NWD2: variants seen among roughly 807,000 people sequenced by gnomAD.
NWD2 encodes NACHT and WD repeat domain-containing protein 2.
In NWD2, 37 loss-of-function variants were observed where a neutral mutation model predicts 132.7. The ratio of observed to expected loss-of-function variants is 0.28; its 90% CI spans 0.21 to 0.37. The LOEUF is 0.37. Ranked by LOEUF, NWD2 falls within the 10% of genes least tolerant of loss-of-function variation. NWD2 has a pLI of 1.00. For missense variants in NWD2, 1,592 were observed against 2,122.4 expected (o/e 0.75, Z 4.91); for synonymous variants, 705 against 803.0 (o/e 0.88, Z 2.06).
chr4:37,254,107 T>C (rs540082562), intron 1 of NWD2, among the ~76,000 whole-genome samples: 56 of 152,330 alleles, frequency 3.7e-4, no homozygotes, highest in Admixed American at 6.5e-4. Flanking sequence ...GGTAGTATGC[T>C]TAATAGCTGG....
At chr4:37,354,115 C>T (rs1219054017) in intron 2 of NWD2, among the ~76,000 whole-genome samples, 2 of 152,080 alleles carry the variant, frequency 1.3e-5, no homozygotes, top group Non-Finnish European at 2.9e-5. Context: ...CTGCAGGTAT[C>T]CTGGAGTTTG....
chr4:37,387,287 C>G (rs1577686658), intron 3 of NWD2, among the ~76,000 whole-genome samples: 1 of 151,588 alleles, frequency 6.6e-6, no homozygotes, highest in East Asian at 1.9e-4. Context: ...CATTTCTACA[C>G]CAATTTTTTT....
chr4:37,349,334 TC>T (rs898262235), intron 2 of NWD2, among the ~76,000 whole-genome samples: 1 of 152,146 alleles, frequency 6.6e-6, no homozygotes. Context: ...CCACATCCTC[TC>T]CAGCATCTTT....
Position 37,443,890 on chromosome 4 carries a change from C to T in NWD2, c.1902C>T (p.Leu634=). The T allele has an allele frequency of 6.4e-7, 1 of 1,552,390 alleles. No individual in the cohort carries two copies. Among genetic ancestry groups the T allele is most frequent in the Non-Finnish European group, 8.7e-7 (1 of 1,147,156 alleles). ...RSHKDVDESS[L]SVTVHESIEQ... is the part of the protein sequence containing the mutation. Reference sequence around the variant, plus strand: ...ACAAAGACGTCGATGAATCCTCCCTCTCTGTCACCGTTCATGAAAGTATAG... The same window carrying T: ...ACAAAGACGTCGATGAATCCTCCCTTTCTGTCACCGTTCATGAAAGTATAG... The change falls in exon 7 of 7, where the codon CTC becomes CTT. Residue 634 remains leucine (L), a synonymous_variant. Transcript: ENST00000309447. This position sits in a 1 kb window ranked among gnomAD's most constrained non-coding sequence, Gnocchi z 4.1.
intron 3 of NWD2, among the ~76,000 whole-genome samples, chr4:37,415,214 A>G (rs1711558395): frequency 6.6e-6 from 1 of 152,218 alleles, no homozygotes; most frequent in African/African-American, 2.4e-5. Context: ...CTTTGAAGTT[A>G]GAGGAGACCT....
chr4:37,275,226 G>A (rs1054174834), intron 1 of NWD2, among the ~76,000 whole-genome samples: 59 of 152,284 alleles, frequency 3.9e-4, no homozygotes. Flanking sequence ...AGCAACTTCA[G>A]CAAAGTCTCA....
chr4:37,248,477 A>T (rs1280689653), intron 1 of NWD2, among the ~76,000 whole-genome samples: 3 of 152,172 alleles, frequency 2.0e-5, no homozygotes, highest in Admixed American at 6.5e-5. Flanking sequence ...TTTTAAGTGG[A>T]TGGGCCTTGG....
At chr4:37,348,593 T>G (rs1239681785) in intron 2 of NWD2, among the ~76,000 whole-genome samples, 1 of 134,386 alleles carries the variant, frequency 7.4e-6, no homozygotes, top group Non-Finnish European at 1.6e-5. Context: ...TTTTTTTTTT[T>G]TTTTTTTTTT....
Position 37,443,802 on chromosome 4 carries a change from C to T in NWD2, c.1814C>T (p.Ser605Phe). 6.4e-7 allele frequency: 1 copy of T among 1,552,066 alleles called. No individual in the cohort carries two copies. Residue 605 changes from serine (S) to phenylalanine (F), a missense_variant, in exon 7 of 7, where the codon TCC becomes TTC. Physicochemically the swap from Ser to Phe is radical, Grantham distance 155. Around this residue, in one of 7 missense-constraint regions of NWD2, gnomAD observed 1,071 missense variants for 1,398.0 expected, o/e 0.77. Transcript: ENST00000309447. This position sits in a 1 kb window ranked among gnomAD's most constrained non-coding sequence, Gnocchi z 4.1. The stretch of plus-strand genomic sequence containing the variant: ...CAGATTTATGTGAACAATGCATTAT[C>T]CAAGTGCACACTGCCAATGTTTGTG... ...GQQIYVNNAL[S>F]KCTLPMFVNL...
chr4:37,412,025 A>G (rs563664672), intron 3 of NWD2, among the ~76,000 whole-genome samples: 23 of 152,328 alleles, frequency 1.5e-4, no homozygotes, highest in Middle Eastern at 3.4e-3. Flanking sequence ...CACAGCCAAT[A>G]TCATACTGAA....
rs1686262238 is a variant in NWD2 at position 37,444,749 on chromosome 4, G to A, written c.2761G>A (p.Val921Ile). ...AGAGCTTCAGCAAAGACTGCTGCCT[G>A]TTGTAAGCTCCCTGCCCAAACTTAG... is the stretch of plus-strand genomic sequence containing the variant. ...SAELQQRLLP[V>I]VSSLPKLRHL... The change falls in exon 7 of 7, where the codon GTT becomes ATT. Residue 921 changes from valine (V) to isoleucine (I), a missense_variant. Transcript: ENST00000309447. The surrounding 1 kb of genome is among the most constrained non-coding windows in gnomAD (Gnocchi z 4.8). The A allele has an allele frequency of 2.6e-6, 4 of 1,551,856 alleles. No individual in the cohort carries two copies. The highest frequency in any genetic ancestry group is 3.5e-6 in the Non-Finnish European group (4 of 1,147,078).
Position 37,406,652 on chromosome 4 carries a change from C to A in NWD2, c.358-23920C>A, listed in dbSNP as rs577150058. On this transcript the variant is annotated intron_variant, in intron 3 of 6. Transcript: ENST00000309447. ...GTGGCTCACACCTGTAATCCCAGCACTTTGGGAGGCCGAGGTGAGTGGATT... is the reference window on the plus strand; with the variant it reads ...GTGGCTCACACCTGTAATCCCAGCAATTTGGGAGGCCGAGGTGAGTGGATT... 3.3e-5 allele frequency among the ~76,000 whole-genome samples: 5 copies of A among 152,284 alleles called. No individual in the cohort carries two copies. In the South Asian group the frequency reaches 8.3e-4, roughly 25 times the overall value.
At chr4:37,335,288 C>T (rs1305553419) in intron 2 of NWD2, among the ~76,000 whole-genome samples, 2 of 32,354 alleles carry the variant, frequency 6.2e-5, no homozygotes, top group African/African-American at 2.2e-4. Context: ...TGCCCTCTGA[C>T]TGGGGGGTGG....
chr4:37,265,713 C>G (rs1717736203), intron 1 of NWD2, among the ~76,000 whole-genome samples: 1 of 151,992 alleles, frequency 6.6e-6, no homozygotes, highest in South Asian at 2.1e-4. Flanking sequence ...ATATTTCCTC[C>G]TCTTATGCTG....
chr4:37,443,918 C>G lies in NWD2; in HGVS notation c.1930C>G (p.Gln644Glu). The G allele has an allele frequency of 1.3e-6, 2 of 1,552,330 alleles. No homozygotes were observed. The highest frequency in any genetic ancestry group is 1.7e-6 in the Non-Finnish European group (2 of 1,147,136). The change falls in exon 7 of 7, where the codon CAG becomes GAG. Residue 644 changes from glutamine (Q) to glutamate (E), a missense_variant. Physicochemically the swap from Gln to Glu is conservative, Grantham distance 29. Around this residue, in one of 7 missense-constraint regions of NWD2, gnomAD observed 1,071 missense variants for 1,398.0 expected, o/e 0.77. Transcript: ENST00000309447. The surrounding 1 kb of genome is among the most constrained non-coding windows in gnomAD (Gnocchi z 4.1). ...TGTCACCGTTCATGAAAGTATAGAG[C>G]AGTTATTCTGGTCCTTGGAGAAGAA... The part of the protein sequence containing the change: ...LSVTVHESIE[Q>E]LFWSLEKKCG...
chr4:37,318,924 G>T (rs537141259), intron 1 of NWD2, among the ~76,000 whole-genome samples: 1 of 152,208 alleles, frequency 6.6e-6, no homozygotes, highest in South Asian at 2.1e-4. Context: ...ATTGTGAATA[G>T]TGCAGTGATG....
rs79632399 is a variant in NWD2, at chr4:37,272,849, G to A, written c.151+27631G>A. Among the ~76,000 whole-genome samples, 1,409 of 151,784 alleles carry A rather than the reference G, an allele frequency of 9.3e-3. 32 individuals carry two copies. Among genetic ancestry groups the A allele is most frequent in the African/African-American group, 0.032 (1,337 of 41,472 alleles). On this transcript the variant is annotated intron_variant, in intron 1 of 6. Coordinates refer to ENST00000309447, the MANE Select transcript of NWD2 (RefSeq NM_001144990.2). The stretch of plus-strand genomic sequence containing the variant: ...TTACAGCAAGAACTTAGATTATTGA[G>A]TGTAAACCACCTTTCTGATGTAAGC...
At chr4:37,259,329 C>G (rs1280229987) in intron 1 of NWD2, among the ~76,000 whole-genome samples, 1 of 152,210 alleles carries the variant, frequency 6.6e-6, no homozygotes, top group Admixed American at 6.5e-5. Context: ...TTGCTTAAAA[C>G]TTTTCCAAAT....
intron 2 of NWD2, among the ~76,000 whole-genome samples, chr4:37,347,955 T>A (rs1719669245): frequency 6.6e-6 from 1 of 152,220 alleles, no homozygotes; most frequent in Admixed American, 6.5e-5. Context: ...TTTATTTTGA[T>A]AAGTTATTGG....
Sources: allele counts gnomAD v4.1 joint callset (sites outside exome capture counted in the v4.1 genomes callset), GRCh38; gene constraint gnomAD v4.1.1; regional missense constraint gnomAD v4.1.1; non-coding constraint Gnocchi (gnomAD v3.1); transcripts MANE v1.5; gene names NCBI Gene and HGNC (gene_info 2026-07-23, HGNC 2026-07-21).